RAB11FIP1: variants seen among roughly 807,000 people sequenced by gnomAD.
RAB11FIP1 encodes the protein rab11 family-interacting protein 1.
Under a neutral mutation model 83.1 loss-of-function variants are expected in RAB11FIP1, and 49 were observed. The ratio of observed to expected loss-of-function variants is 0.59; its 90% CI spans 0.47 to 0.75. The LOEUF (loss-of-function observed/expected upper bound fraction) is 0.75. RAB11FIP1 is among the 30% of genes least tolerant of loss of function. The pLI is 0.00. For missense variants in RAB11FIP1, 1,536 were observed against 1,598.7 expected (o/e 0.96, Z 0.67); for synonymous variants, 670 against 656.0 (o/e 1.02, Z -0.33).
At position 37,872,956 on chromosome 8, in the gene RAB11FIP1, G is replaced by A. The variant is rs145528952; in HGVS notation, c.1846C>T (p.Pro616Ser). The change falls in exon 4 of 6, where the codon CCT becomes TCT. Residue 616 changes from proline (P) to serine (S), a missense_variant. Transcript: ENST00000330843. ...TTGGCCTGGCCCCTGTCTACGAGAG[G>A]CCAGCTTTCAATTGGAGTGGATGTG... ...ISTSTPIESW[P>S]LVDRGQAKSE... is the part of the protein sequence containing the mutation. 15 of 1,614,050 alleles carry A rather than the reference G, an allele frequency of 9.3e-6. No individual in the cohort carries two copies. Among genetic ancestry groups the A allele is most frequent in the African/African-American group, 1.3e-5 (1 of 74,918 alleles).
Position 37,872,849 on chromosome 8 carries a change from G to A in RAB11FIP1, c.1953C>T (p.Ala651=). The change falls in exon 4 of 6, where the codon GCC becomes GCT. Residue 651 remains alanine (A), a synonymous_variant. Coordinates refer to ENST00000330843, the MANE Select transcript of RAB11FIP1 (RefSeq NM_001002814.3). ...LTPVPNSGSS[A]LGSLFKQPSF... is the part of the protein sequence containing the mutation. ...ATGGCTGTTTGAAAAGTGATCCCAG[G>A]GCAGAAGAACCAGAATTTGGAACCG... 6.2e-7 allele frequency: 1 copy of A among 1,614,184 alleles called. No homozygotes were observed. Among genetic ancestry groups the A allele is most frequent in the Non-Finnish European group, 8.5e-7 (1 of 1,180,036 alleles).
Position 37,861,511 on chromosome 8 carries a change from T to C in RAB11FIP1, c.*1384A>G. The C allele has an allele frequency of 4.7e-6, 2 of 429,716 alleles. No homozygotes were observed. The highest frequency in any genetic ancestry group is 9.1e-6 in the Non-Finnish European group (2 of 220,508). 26.6% of individuals were successfully genotyped at this position (429,716 alleles called of 1,614,324 possible). ...TTCAATCCCTTTGGGGTCCAATCCA[T>C]GGTCTCCTGTCCCCTGTAGAGTGAA... is the stretch of plus-strand genomic sequence containing the variant. On this transcript the variant is annotated 3_prime_UTR_variant, in exon 6 of 6. Transcript: ENST00000330843.
intron 1 of RAB11FIP1, among the ~76,000 whole-genome samples, chr8:37,880,052 T>C (rs1290286810): frequency 1.3e-5 from 2 of 152,164 alleles, no homozygotes; most frequent in South Asian, 2.1e-4. Context: ...CTTCAAGATG[T>C]GAAAAATGAC....
In RAB11FIP1 at chr8:37,899,453, C is replaced by A. The variant is rs946032024; in HGVS notation, c.-12G>T. 5 of 1,532,286 alleles carry A rather than the reference C, an allele frequency of 3.3e-6. No individual in the cohort carries two copies. The highest frequency in any genetic ancestry group is 4.4e-6 in the Non-Finnish European group (5 of 1,143,634). The allele number at this position is 1,532,286 out of a possible 1,614,324, so 94.9% of individuals were successfully genotyped here. ...ACCATTAGGGACATGGTGACGATAACACTCCAGAAGCGAGGAGAAGATCGC... is the reference window on the plus strand; with the variant it reads ...ACCATTAGGGACATGGTGACGATAAAACTCCAGAAGCGAGGAGAAGATCGC... On this transcript the variant is annotated 5_prime_UTR_variant, in exon 1 of 6. Transcript: ENST00000330843. This position sits in a 1 kb window ranked among gnomAD's most constrained non-coding sequence, Gnocchi z 4.5.
chr8:37,890,789 A>G (rs1249533190), intron 1 of RAB11FIP1, among the ~76,000 whole-genome samples: 1 of 150,912 alleles, frequency 6.6e-6, no homozygotes, highest in Admixed American at 6.6e-5. Flanking sequence ...AAAAAAAAAA[A>G]GAAGAAGAAA....
chr8:37,883,194 T>C (rs2130174484), intron 1 of RAB11FIP1, among the ~76,000 whole-genome samples: 1 of 151,948 alleles, frequency 6.6e-6, no homozygotes, highest in Admixed American at 6.6e-5. Flanking sequence ...TCTTGGTGTT[T>C]GTTTGTTTGT....
At chr8:37,867,944 C>T (rs1273685825) in intron 5 of RAB11FIP1, among the ~76,000 whole-genome samples, 1 of 152,070 alleles carries the variant, frequency 6.6e-6, no homozygotes, top group Non-Finnish European at 1.5e-5. Context: ...TAACAAGTAC[C>T]CAGCACTTGA....
intron 4 of RAB11FIP1, 98 bp from the exon 5 acceptor site, chr8:37,870,626 G>T: frequency 6.2e-6 from 4 of 643,942 alleles, no homozygotes; most frequent in Non-Finnish European, 1.1e-5. Context: ...CAGACAAGGG[G>T]CAGGTGGGTC....
In RAB11FIP1 at chr8:37,862,736, C is replaced by G; in HGVS notation, c.*159G>C. The G allele has an allele frequency of 3.3e-6, 2 of 611,142 alleles. No individual in the cohort carries two copies. Among genetic ancestry groups the G allele is most frequent in the Non-Finnish European group, 5.8e-6 (2 of 342,836 alleles). The allele number at this position is 611,142 out of a possible 1,614,324, so 37.9% of individuals were successfully genotyped here. A position where few individuals can be genotyped will look rare whatever the true frequency, so the allele number is the denominator to read the frequency against. On this transcript the variant is annotated 3_prime_UTR_variant, in exon 6 of 6. Coordinates refer to ENST00000330843, the MANE Select transcript of RAB11FIP1 (RefSeq NM_001002814.3). ...GTAAAAGATTAATTGTAATCATTAA[C>G]CTGGCTTCCATTGGTAGAATTCACT... is the stretch of plus-strand genomic sequence containing the variant.
intron 1 of RAB11FIP1, among the ~76,000 whole-genome samples, chr8:37,895,249 ATATATATATATTTTTTTTTTTTTTTT>A (rs1308988941): frequency 1.7e-4 from 2 of 11,742 alleles, no homozygotes; most frequent in African/African-American, 8.6e-4. Context: ...ATATATATAT[ATATATATATATTTTTTTTTTTTTTTT>A]TTTTTTTTTT....
chr8:37,876,244 AG>A (rs1185148621), intron 2 of RAB11FIP1, among the ~76,000 whole-genome samples: 45 of 151,190 alleles, frequency 3.0e-4, no homozygotes, highest in African/African-American at 1.1e-3. Context: ...GAAGGAAGGA[AG>A]GAAGGAAGGA....
chr8:37,877,774 C>G, intron 1 of RAB11FIP1: 2 of 412,832 alleles, frequency 4.8e-6, no homozygotes, highest in Non-Finnish European at 4.1e-6. Context: ...GGCTGGAGTG[C>G]AATGCCACCA....
At chr8:37,893,045 T>C (rs953558998) in intron 1 of RAB11FIP1, among the ~76,000 whole-genome samples, 1 of 151,918 alleles carries the variant, frequency 6.6e-6, no homozygotes, top group Non-Finnish European at 1.5e-5. Context: ...CTTACCACAA[T>C]ATATGATTAT....
rs755287784 is a variant in RAB11FIP1 at position 37,871,588 on chromosome 8, C to A, written c.3214G>T (p.Gly1072Cys). Residue 1072 changes from glycine to cysteine, a missense_variant, in exon 4 of 6, where the codon GGT (glycine) becomes TGT (cysteine). Transcript: ENST00000330843. ...TTTCCCATCGGTTTTTCTTCCTCAC[C>A]ACCACTGGGGCCTGGCAGCTGTTTA... ...LDKQLPGPSGGEEEKPMGNGS... is the reference protein window; with the variant it reads ...LDKQLPGPSGCEEEKPMGNGS... The A allele has an allele frequency of 3.8e-6, 6 of 1,599,848 alleles. No homozygotes were observed. The highest frequency in any genetic ancestry group is 5.1e-6 in the Non-Finnish European group (6 of 1,171,138).
intron 1 of RAB11FIP1, among the ~76,000 whole-genome samples, chr8:37,894,701 C>CATATATATATACATATATATATACAT (rs200697328): frequency 1.4e-5 from 2 of 144,312 alleles, no homozygotes; most frequent in African/African-American, 5.3e-5. Context: ...TACATAAATA[C>CATATATATATACATATATATATACAT]ATATATATAC....
chr8:37,877,326 C>T lies in RAB11FIP1; in HGVS notation c.597G>A (p.Ser199=), dbSNP rs764515974. Residue 199 remains serine, a synonymous_variant, in exon 2 of 6, where the codon TCG becomes TCA. Coordinates refer to ENST00000330843, the MANE Select transcript of RAB11FIP1 (RefSeq NM_001002814.3). The stretch of plus-strand genomic sequence containing the variant: ...CCACAGACTCATCATCACTGTCGAC[C>T]GAAGGTGTCGTGCTAGGGATGATGG... The part of the protein sequence containing the change: ...ASAIIPSTTP[S]VDSDDESVVK... 34 of 1,614,146 alleles carry T rather than the reference C, an allele frequency of 2.1e-5. No individual in the cohort carries two copies. The highest frequency in any genetic ancestry group is 2.7e-5 in the African/African-American group (2 of 75,044).
In RAB11FIP1 at chr8:37,872,106, A is replaced by G. The variant is rs763190349; in HGVS notation, c.2696T>C (p.Met899Thr). The G allele has an allele frequency of 6.2e-7, 1 of 1,614,008 alleles. No individual in the cohort carries two copies. Among genetic ancestry groups the G allele is most frequent in the Non-Finnish European group, 8.5e-7 (1 of 1,180,006 alleles). Residue 899 changes from methionine (M) to threonine (T), a missense_variant, in exon 4 of 6, where the codon ATG becomes ACG. Met to Thr is a moderately conservative substitution (Grantham distance 81). Transcript: ENST00000330843. Reference protein sequence around the residue: ...SQEESFSEVPMSEASSAKDTP... With the variant: ...SQEESFSEVPTSEASSAKDTP... ...GTCTTTCGCTGAGCTTGCTTCACTC[A>G]TGGGGACTTCGGAGAAACTCTCCTC...
Position 37,873,101 on chromosome 8 carries a change from A to G in RAB11FIP1, c.1701T>C (p.Leu567=). 6.2e-7 allele frequency: 1 copy of G among 1,613,786 alleles called. No homozygotes were observed. Among genetic ancestry groups the G allele is most frequent in the East Asian group, 2.2e-5 (1 of 44,868 alleles). Residue 567 remains leucine (L), a synonymous_variant, in exon 4 of 6, where the codon CTT becomes CTC. Coordinates refer to ENST00000330843, the MANE Select transcript of RAB11FIP1 (RefSeq NM_001002814.3). ...PTDSPSSLPP[L]PSSSGQASVP... ...CAGATGCCTGGCCAGAGCTAGAAGG[A>G]AGAGGAGGAAGAGAGGAAGGGGAGT...
At chr8:37,894,086 G>A (rs1807011921) in intron 1 of RAB11FIP1, among the ~76,000 whole-genome samples, 1 of 152,152 alleles carries the variant, frequency 6.6e-6, no homozygotes, top group African/African-American at 2.4e-5. Context: ...CTGTGGCTTC[G>A]AAAGACCTGG....
Sources: gnomAD v4.1 joint callset for allele counts (sites outside exome capture counted in the v4.1 genomes callset) on GRCh38, gnomAD v4.1.1 for gene constraint, Gnocchi (gnomAD v3.1) non-coding constraint, MANE v1.5 for transcripts, NCBI Gene and HGNC (gene_info 2026-07-23, HGNC 2026-07-21) for gene names.